The following SMAD3 variants were observed in gnomAD, a reference collection of about 807,000 sequenced individuals.
SMAD3 encodes the protein SMAD family member 3.
SMAD3 carries 12 observed loss-of-function variants against 51.8 expected under a neutral mutation model. The observed-to-expected ratio is 0.23, with a 90% CI of 0.15 to 0.38. The LOEUF (loss-of-function observed/expected upper bound fraction) is 0.38. Ranked by LOEUF, SMAD3 falls within the 10% of genes least tolerant of loss-of-function variation. SMAD3 has a pLI of 1.00. For synonymous variants in SMAD3, 238 were observed against 227.7 expected (o/e 1.05, Z -0.41); for missense variants, 294 against 565.6 (o/e 0.52, Z 4.87).
chr15:67,163,210 G>A (rs1203307928), intron 1 of SMAD3, among the ~76,000 whole-genome samples: 1 of 152,050 alleles, frequency 6.6e-6, no homozygotes, highest in Non-Finnish European at 1.5e-5. Flanking sequence ...CTGGCCTCAA[G>A]CGATCCACCC....
intron 1 of SMAD3, chr15:67,137,930 T>A: frequency 1.2e-6 from 1 of 814,170 alleles, no homozygotes; most frequent in Non-Finnish European, 2.1e-6. Context: ...ACAGAGAAAA[T>A]AGGAGGTACT....
At chr15:67,170,748 C>T (rs534253419) in intron 5 of SMAD3, 144 bp downstream of exon 5, 29 of 702,588 alleles carry the variant, frequency 4.1e-5, no homozygotes, top group South Asian at 8.5e-5. Flanking sequence ...TTTCTGGTTA[C>T]GGTGATGTTG....
intron 1 of SMAD3, among the ~76,000 whole-genome samples, chr15:67,122,239 A>G (rs1961281785): frequency 6.6e-6 from 1 of 152,126 alleles, no homozygotes; most frequent in Non-Finnish European, 1.5e-5. Flanking sequence ...TGAAGGTTAT[A>G]CTCCCCTTTC....
intron 4 of SMAD3, among the ~76,000 whole-genome samples, chr15:67,168,940 C>T (rs1962668876): frequency 6.6e-6 from 1 of 152,268 alleles, no homozygotes; most frequent in Non-Finnish European, 1.5e-5. Flanking sequence ...TTCCCCATGT[C>T]CCTTCACCTA....
At chr15:67,077,923 CA>C (rs1382827452) in intron 1 of SMAD3, 1 of 152,188 alleles carries the variant, frequency 6.6e-6, no homozygotes, top group Non-Finnish European at 1.5e-5. Flanking sequence ...TGTAAGTGTC[CA>C]GGAGATTTTA....
chr15:67,182,631 T>G (rs926046082), intron 6 of SMAD3, among the ~76,000 whole-genome samples: 1 of 151,934 alleles, frequency 6.6e-6, no homozygotes, highest in Non-Finnish European at 1.5e-5. Context: ...GAAGAAAAGT[T>G]TGGAGGCCAT....
intron 5 of SMAD3, among the ~76,000 whole-genome samples, chr15:67,176,811 G>C (rs1444942763): frequency 6.6e-6 from 1 of 152,182 alleles, no homozygotes; most frequent in African/African-American, 2.4e-5. Context: ...GCTGGAGCTG[G>C]AGGTTCCTGC....
At chr15:67,169,253 C>T (rs1044008179) in intron 4 of SMAD3, among the ~76,000 whole-genome samples, 3 of 152,144 alleles carry the variant, frequency 2.0e-5, no homozygotes, top group African/African-American at 7.2e-5. Flanking sequence ...ACTTAGTTCT[C>T]TCGGTGAATA....
At chr15:67,149,467 C>T (rs917645991) in intron 1 of SMAD3, among the ~76,000 whole-genome samples, 2 of 152,128 alleles carry the variant, frequency 1.3e-5, no homozygotes, top group Admixed American at 1.3e-4. Context: ...AGGGATGCAG[C>T]TTTCAGACAA....
intron 3 of SMAD3, 139 bp downstream of exon 3, chr15:67,165,523 C>G (rs1962560763): frequency 9.7e-7 from 1 of 1,029,656 alleles, no homozygotes; most frequent in African/African-American, 1.6e-5. Context: ...GCCTGAGGGC[C>G]CCTGACTCAG....
At position 67,190,846 on chromosome 15, in the gene SMAD3, CTTTT is replaced by C; in HGVS notation, c.*314_*317del. 4.5e-6 allele frequency: 2 copies of C among 446,856 alleles called. No individual in the cohort carries two copies. The highest frequency in any genetic ancestry group is 8.2e-6 in the Non-Finnish European group (2 of 242,694). The allele number at this position is 446,856 out of a possible 1,614,324, so 27.7% of individuals were successfully genotyped here. ...ACCACCGGCCCCCTCCCCCCAGACT[CTTTT>C]TTTGAGTGACAGCTTTCTGGGATGT... On this transcript the variant is annotated 3_prime_UTR_variant, in exon 9 of 9. Transcript: ENST00000327367.
At chr15:67,128,474 C>G (rs941354885) in intron 1 of SMAD3, among the ~76,000 whole-genome samples, 2 of 151,966 alleles carry the variant, frequency 1.3e-5, no homozygotes, top group Non-Finnish European at 2.9e-5. Context: ...TGTGTAAAAC[C>G]CAGGAACATA....
At chr15:67,181,475 C>T (rs745896273) in intron 6 of SMAD3, 22 bp downstream of exon 6, 16 of 1,499,384 alleles carry the variant, frequency 1.1e-5, no homozygotes, top group South Asian at 3.6e-5. Flanking sequence ...CTCCATTCCC[C>T]GCCCCCCCAC....
chr15:67,077,478 C>T (rs1420407094), intron 1 of SMAD3, among the ~76,000 whole-genome samples: 3 of 152,080 alleles, frequency 2.0e-5, no homozygotes, highest in African/African-American at 2.4e-5. Context: ...CTGAATGTGC[C>T]TTTGTTTGCT....
rs57597599 is a variant in SMAD3 at position 67,162,946 on chromosome 15, GTGATGATGATGATGATGA to G, written c.207-1923_207-1906del. 4.3e-4 allele frequency among the ~76,000 whole-genome samples: 62 copies of G among 145,446 alleles called. 1 individual carries two copies. Among genetic ancestry groups the G allele is most frequent in the African/African-American group, 1.6e-3 (62 of 38,044 alleles). On this transcript the variant is annotated intron_variant, in intron 1 of 8. Transcript: ENST00000327367. ...TCATTGTGTGTAATTGTAGGTTTCT[GTGATGATGATGATGATGA>G]TGATGATGATGATGATGATGATGAT...
chr15:67,171,111 CTA>C (rs1273765598), intron 5 of SMAD3, among the ~76,000 whole-genome samples: 3 of 152,168 alleles, frequency 2.0e-5, no homozygotes, highest in African/African-American at 4.8e-5. Context: ...ACATAACTGT[CTA>C]TGTGTGATTA....
intron 5 of SMAD3, among the ~76,000 whole-genome samples, chr15:67,180,523 G>A (rs1424590259): frequency 1.3e-5 from 2 of 148,768 alleles, no homozygotes; most frequent in South Asian, 2.2e-4. Flanking sequence ...GTTTGTGTCC[G>A]AGCCACCCCA....
chr15:67,121,310 G>A (rs1004110529), intron 1 of SMAD3, among the ~76,000 whole-genome samples: 8 of 152,274 alleles, frequency 5.3e-5, no homozygotes, highest in African/African-American at 1.2e-4. Flanking sequence ...AGCGGGTGCC[G>A]GTGGGCACTC....
chr15:67,167,629 T>G (rs1962626980), intron 4 of SMAD3, among the ~76,000 whole-genome samples: 1 of 152,142 alleles, frequency 6.6e-6, no homozygotes, highest in Admixed American at 6.5e-5. Flanking sequence ...CTGAAGCCAG[T>G]ATTTTTGTGT....
Sources: gnomAD v4.1 joint callset for allele counts (sites outside exome capture counted in the v4.1 genomes callset) on GRCh38, gnomAD v4.1.1 for gene constraint, MANE v1.5 for transcripts, NCBI Gene and HGNC (gene_info 2026-07-23, HGNC 2026-07-21) for gene names.